DTNB: variants seen among roughly 807,000 people sequenced by gnomAD.
DTNB encodes dystrobrevin beta.
A neutral mutation model predicts 90.7 loss-of-function variants in DTNB; 63 were observed. The ratio of observed to expected loss-of-function variants is 0.69; its 90% CI spans 0.57 to 0.86. The LOEUF is 0.86. Ranked by LOEUF, DTNB falls within the 40% of genes least tolerant of loss-of-function variation. DTNB has a pLI of 0.00. For synonymous variants in DTNB, 277 were observed against 286.7 expected, an observed-to-expected ratio of 0.97 and a Z score of 0.34; for missense variants, 744 against 807.1, an observed-to-expected ratio of 0.92 and a Z score of 0.95.
At chr2:25,647,655 G>A (rs1049065155) in intron 2 of DTNB, among the ~76,000 whole-genome samples, 2 of 152,040 alleles carry the variant, frequency 1.3e-5, no homozygotes, top group African/African-American at 2.4e-5. Flanking sequence ...TGGGAGGATC[G>A]CTTGAGCCTT....
intron 6 of DTNB, among the ~76,000 whole-genome samples, chr2:25,584,517 T>A (rs1428051229): frequency 1.3e-5 from 2 of 152,172 alleles, no homozygotes; most frequent in African/African-American, 4.8e-5. Context: ...AATAGGTTCA[T>A]CATTATTTTT....
intron 9 of DTNB, among the ~76,000 whole-genome samples, chr2:25,524,333 A>G (rs2076697081): frequency 6.6e-6 from 1 of 151,468 alleles, no homozygotes; most frequent in Non-Finnish European, 1.5e-5. Flanking sequence ...CTCAAAAGTT[A>G]TCTAGTCAAA....
chr2:25,621,817 T>C (rs573261464), intron 4 of DTNB, among the ~76,000 whole-genome samples: 1 of 152,060 alleles, frequency 6.6e-6, no homozygotes, highest in South Asian at 2.1e-4. Flanking sequence ...AATTTTTTCA[T>C]ATAACTCTAT....
intron 8 of DTNB, among the ~76,000 whole-genome samples, chr2:25,542,109 G>A (rs1232038875): frequency 2.0e-5 from 3 of 152,024 alleles, no homozygotes; most frequent in Non-Finnish European, 4.4e-5. Flanking sequence ...GTCAATAGAT[G>A]TTGGGTTTTT....
intron 9 of DTNB, among the ~76,000 whole-genome samples, chr2:25,492,662 G>C (rs1395983964): frequency 6.6e-6 from 1 of 152,106 alleles, no homozygotes; most frequent in African/African-American, 2.4e-5. Context: ...CCAGGAATTT[G>C]AGACCAGCCT....
At chr2:25,596,348 C>T in intron 5 of DTNB, 108 bp from the exon 6 acceptor site, 6 of 1,267,388 alleles carry the variant, frequency 4.7e-6, no homozygotes, top group South Asian at 1.6e-5. Context: ...AAAAAAGTAT[C>T]ATAAAATTAT....
In DTNB at chr2:25,560,798, G is replaced by GA. The variant is rs1559033303; in HGVS notation, c.876+16039dup. ...GAGATACTTTCCTAGAGCTTGCAGA[G>GA]AGAGTGTGGCTCTGCTGACACTTCG... On this transcript the variant is annotated intron_variant, in intron 8 of 20. Transcript: ENST00000406818. 4.6e-5 allele frequency among the ~76,000 whole-genome samples: 7 copies of GA among 152,338 alleles called. No individual in the cohort carries two copies. In the South Asian group the frequency reaches 1.2e-3, roughly 27 times the overall value.
intron 2 of DTNB, among the ~76,000 whole-genome samples, chr2:25,642,484 G>A (rs116274986): frequency 0.013 from 1,968 of 151,242 alleles, 20 homozygotes; most frequent in Non-Finnish European, 0.02. Context: ...GTGCAATCTC[G>A]GTTCACTGCA....
chr2:25,498,545 T>C (rs1476437248), intron 9 of DTNB, among the ~76,000 whole-genome samples: 1 of 151,944 alleles, frequency 6.6e-6, no homozygotes, highest in Non-Finnish European at 1.5e-5. Context: ...CAATAATGGG[T>C]AAAATTAATT....
chr2:25,644,707 C>A (rs1001656161), intron 2 of DTNB, among the ~76,000 whole-genome samples: 2 of 152,024 alleles, frequency 1.3e-5, no homozygotes, highest in African/African-American at 4.8e-5. Context: ...TTCAGTGGGC[C>A]GAGATTGTGC....
chr2:25,555,149 G>A (rs2057067338), intron 8 of DTNB, among the ~76,000 whole-genome samples: 1 of 152,046 alleles, frequency 6.6e-6, no homozygotes, highest in East Asian at 1.9e-4. Context: ...AAATTAGCTG[G>A]GTGTGGTGGC....
chr2:25,654,086 G>C (rs533052073), intron 1 of DTNB, among the ~76,000 whole-genome samples: 9 of 152,224 alleles, frequency 5.9e-5, no homozygotes, highest in African/African-American at 2.2e-4. Context: ...GGAAACAAAA[G>C]TTCAAAAAAG....
At chr2:25,533,692 C>T (rs1266163827) in intron 8 of DTNB, among the ~76,000 whole-genome samples, 1 of 152,252 alleles carries the variant, frequency 6.6e-6, no homozygotes, top group African/African-American at 2.4e-5. Flanking sequence ...TCAAAATACA[C>T]TGTGTTCTTT....
chr2:25,512,497 G>C (rs1371360592), intron 9 of DTNB, among the ~76,000 whole-genome samples: 1 of 152,204 alleles, frequency 6.6e-6, no homozygotes, highest in Non-Finnish European at 1.5e-5. Context: ...AAGGTGCAAA[G>C]AAAGTGCTTA....
intron 1 of DTNB, among the ~76,000 whole-genome samples, chr2:25,671,003 G>A (rs1396584866): frequency 6.6e-6 from 1 of 152,180 alleles, no homozygotes; most frequent in Non-Finnish European, 1.5e-5. Flanking sequence ...CAGATTGACT[G>A]TCATGGTATC....
chr2:25,657,884 G>A (rs1190324398), intron 1 of DTNB, among the ~76,000 whole-genome samples: 2 of 151,934 alleles, frequency 1.3e-5, no homozygotes, highest in East Asian at 1.9e-4. Context: ...AAATCTATTC[G>A]GAAATTACAA....
chr2:25,445,399 G>C (rs1217161319), intron 12 of DTNB, among the ~76,000 whole-genome samples: 1 of 152,158 alleles, frequency 6.6e-6, no homozygotes, highest in African/African-American at 2.4e-5. Context: ...TACGTGAGCT[G>C]ACATTAGATT....
chr2:25,659,731 T>G (rs2082765054), intron 1 of DTNB, among the ~76,000 whole-genome samples: 1 of 152,026 alleles, frequency 6.6e-6, no homozygotes, highest in Non-Finnish European at 1.5e-5. Context: ...AACCCTATAA[T>G]TACTAAAGAG....
intron 16 of DTNB, among the ~76,000 whole-genome samples, chr2:25,396,198 A>G (rs1418820132): frequency 1.3e-5 from 2 of 152,260 alleles, no homozygotes; most frequent in Non-Finnish European, 2.9e-5. Flanking sequence ...GTTCTTATCC[A>G]TAAGTGGGAG....
Sources: gnomAD v4.1 joint callset for allele counts (sites outside exome capture counted in the v4.1 genomes callset) on GRCh38, gnomAD v4.1.1 for gene constraint, MANE v1.5 for transcripts, NCBI Gene and HGNC (gene_info 2026-07-23, HGNC 2026-07-21) for gene names.